Variants in PCDH15 observed in about 807,000 individuals in gnomAD.
The protein encoded by PCDH15 is protocadherin related 15.
A neutral mutation model predicts 178.5 loss-of-function variants in PCDH15; 129 were observed. That is an observed-to-expected ratio of 0.72 (90% CI 0.63 to 0.84). PCDH15 has a LOEUF of 0.84. PCDH15 is among the 40% of genes least tolerant of loss of function. The pLI, the probability that PCDH15 is intolerant of heterozygous loss-of-function variation, is 0.00. For missense variants in PCDH15, 2,230 were observed against 2,099.9 expected, an observed-to-expected ratio of 1.06 and a Z score of -1.21; for synonymous variants, 800 against 732.0, an observed-to-expected ratio of 1.09 and a Z score of -1.50.
At chr10:55,526,273 A>C (rs1396942931) in intron 2 of PCDH15, among the ~76,000 whole-genome samples, 3 of 151,986 alleles carry the variant, frequency 2.0e-5, no homozygotes, top group Non-Finnish European at 4.4e-5. Context: ...AAAAAGTATC[A>C]TTATTCTGAA....
At chr10:54,128,544 G>C (rs925087352) in intron 15 of PCDH15, among the ~76,000 whole-genome samples, 1 of 152,044 alleles carries the variant, frequency 6.6e-6, no homozygotes, top group African/African-American at 2.4e-5. Flanking sequence ...GAATTTCTTT[G>C]GGATTTTCTT....
chr10:54,231,787 C>T (rs1170065109), intron 9 of PCDH15, among the ~76,000 whole-genome samples: 1 of 152,232 alleles, frequency 6.6e-6, no homozygotes, highest in Non-Finnish European at 1.5e-5. Flanking sequence ...GATTTAATGA[C>T]TGCCCTCCTG....
At chr10:55,146,172 A>G (rs547717191) in intron 2 of PCDH15, among the ~76,000 whole-genome samples, 1 of 152,114 alleles carries the variant, frequency 6.6e-6, no homozygotes, top group East Asian at 1.9e-4. Context: ...TCACGGCAGC[A>G]ATCCTCGTGG....
intron 2 of PCDH15, among the ~76,000 whole-genome samples, chr10:55,364,256 T>C (rs1845299342): frequency 6.6e-6 from 1 of 152,150 alleles, no homozygotes; most frequent in Non-Finnish European, 1.5e-5. Context: ...CTTTCCTTTA[T>C]AAATTACCCA....
At chr10:54,649,654 T>A (rs964564593) in intron 2 of PCDH15, among the ~76,000 whole-genome samples, 1 of 152,138 alleles carries the variant, frequency 6.6e-6, no homozygotes, top group Non-Finnish European at 1.5e-5. Context: ...CATGTGTGTG[T>A]ATGTGTGTGT....
chr10:55,068,433 G>A (rs1460667988), intron 2 of PCDH15, among the ~76,000 whole-genome samples: 2 of 151,942 alleles, frequency 1.3e-5, no homozygotes, highest in Admixed American at 6.6e-5. Flanking sequence ...TTCATTTTGT[G>A]TTATCTATTC....
At chr10:55,563,144 G>A (rs1842233004) in intron 2 of PCDH15, among the ~76,000 whole-genome samples, 1 of 151,826 alleles carries the variant, frequency 6.6e-6, no homozygotes, top group Non-Finnish European at 1.5e-5. Context: ...TGCTGTCATG[G>A]TTGATTGCTG....
intron 3 of PCDH15, among the ~76,000 whole-genome samples, chr10:54,457,204 T>G (rs1040982338): frequency 6.6e-6 from 1 of 152,194 alleles, no homozygotes; most frequent in Non-Finnish European, 1.5e-5. Flanking sequence ...AAGTATCTAT[T>G]GTAGATGACT....
chr10:54,390,714 G>A (rs1950452535), intron 3 of PCDH15, among the ~76,000 whole-genome samples: 1 of 152,150 alleles, frequency 6.6e-6, no homozygotes, highest in Non-Finnish European at 1.5e-5. Context: ...GTATAAGTGG[G>A]TCATGAAAAG....
At chr10:53,961,248 AAGTG>A (rs1177251316) in intron 22 of PCDH15, among the ~76,000 whole-genome samples, 1 of 152,226 alleles carries the variant, frequency 6.6e-6, no homozygotes, top group South Asian at 2.1e-4. Context: ...TATCTTAAAA[AAGTG>A]AGTAAGGGAA....
chr10:54,535,780 A>G (rs1201397151), intron 2 of PCDH15, among the ~76,000 whole-genome samples: 8 of 151,986 alleles, frequency 5.3e-5, no homozygotes. Context: ...AGAATATGAA[A>G]TAAATTGTCA....
In PCDH15 at chr10:54,401,568, A is replaced by G. The variant is rs115814570; in HGVS notation, c.158-22626T>C. Reference sequence around the variant, plus strand: ...GTCAAATATCCGAAGATTATATTCAATGACTCTGAACAAGGAAAAAAGCAA... The same window carrying G: ...GTCAAATATCCGAAGATTATATTCAGTGACTCTGAACAAGGAAAAAAGCAA... On this transcript the variant is annotated intron_variant, in intron 3 of 37. Transcript: ENST00000644397. Among the ~76,000 whole-genome samples the G allele has an allele frequency of 8.3e-3, 1,265 of 151,932 alleles. 14 individuals carry two copies. The highest frequency in any genetic ancestry group is 0.028 in the African/African-American group (1,150 of 41,538).
At chr10:54,357,195 C>T (rs1382174535) in intron 5 of PCDH15, among the ~76,000 whole-genome samples, 3 of 152,010 alleles carry the variant, frequency 2.0e-5, no homozygotes, top group Non-Finnish European at 2.9e-5. Flanking sequence ...AAAGGGTATT[C>T]AATTAGGAAA....
chr10:54,210,424 T>G (rs1333343134), intron 10 of PCDH15, among the ~76,000 whole-genome samples: 1 of 151,994 alleles, frequency 6.6e-6, no homozygotes, highest in Admixed American at 6.6e-5. Context: ...GCAGTGTAAA[T>G]AAATGTTTTG....
chr10:54,266,649 A>T (rs2057709867), intron 8 of PCDH15, among the ~76,000 whole-genome samples: 1 of 151,972 alleles, frequency 6.6e-6, no homozygotes, highest in Non-Finnish European at 1.5e-5. Flanking sequence ...GATTCAAAAG[A>T]TTCTCAGAGA....
At chr10:54,128,102 A>T (rs964922210) in intron 15 of PCDH15, among the ~76,000 whole-genome samples, 2 of 151,998 alleles carry the variant, frequency 1.3e-5, no homozygotes, top group African/African-American at 4.8e-5. Flanking sequence ...ATCTGTATTG[A>T]GGTTGTTCTA....
chr10:55,591,658 A>G (rs1175599534), intron 2 of PCDH15, among the ~76,000 whole-genome samples: 1 of 152,128 alleles, frequency 6.6e-6, no homozygotes, highest in East Asian at 1.9e-4. Flanking sequence ...ATGTCTGAGT[A>G]TCAGGGGAGG....
intron 2 of PCDH15, among the ~76,000 whole-genome samples, chr10:55,595,897 T>C (rs1466187333): frequency 6.6e-6 from 1 of 152,146 alleles, no homozygotes; most frequent in East Asian, 1.9e-4. Context: ...TCAGTCAAGA[T>C]ACATATTATA....
At chr10:55,421,379 T>C (rs927114493) in intron 2 of PCDH15, among the ~76,000 whole-genome samples, 9 of 149,614 alleles carry the variant, frequency 6.0e-5, no homozygotes, top group African/African-American at 2.2e-4. Flanking sequence ...AGAAAAATTG[T>C]TAAAATTATT....
Sources: gnomAD v4.1 joint callset for allele counts (sites outside exome capture counted in the v4.1 genomes callset) on GRCh38, gnomAD v4.1.1 for gene constraint, MANE v1.5 for transcripts, NCBI Gene and HGNC (gene_info 2026-07-23, HGNC 2026-07-21) for gene names.